RTN1: variants seen among roughly 807,000 people sequenced by gnomAD.
RTN1 encodes the protein reticulon 1.
Under a neutral mutation model 65.5 loss-of-function variants are expected in RTN1, and 25 were observed. The ratio of observed to expected loss-of-function variants is 0.38; its 90% confidence interval spans 0.28 to 0.53. The LOEUF is 0.53. Ranked by LOEUF, RTN1 falls within the 20% of genes least tolerant of loss-of-function variation. RTN1 has a pLI of 0.79. For missense variants in RTN1, 983 were observed against 1,025.4 expected (o/e 0.96, Z 0.57); for synonymous variants, 471 against 447.6 (o/e 1.05, Z -0.66).
intron 1 of RTN1, among the ~76,000 whole-genome samples, chr14:59,797,618 C>T (rs1886464058): frequency 6.6e-6 from 1 of 152,166 alleles, no homozygotes; most frequent in Non-Finnish European, 1.5e-5. Flanking sequence ...ACCAAAACAT[C>T]TGAATGCCAC....
At chr14:59,804,972 G>T (rs1886611205) in intron 1 of RTN1, among the ~76,000 whole-genome samples, 1 of 152,222 alleles carries the variant, frequency 6.6e-6, no homozygotes, top group African/African-American at 2.4e-5. Flanking sequence ...GCAGGTCACA[G>T]ATCTTAAGTA....
chr14:59,648,752 ACT>A, intron 3 of RTN1, among the ~76,000 whole-genome samples: 1 of 152,320 alleles, frequency 6.6e-6, no homozygotes, highest in Non-Finnish European at 1.5e-5. Flanking sequence ...TATGTTAAAA[ACT>A]CTCAATAAAC....
chr14:59,761,771 G>A (rs1885753267), intron 1 of RTN1, among the ~76,000 whole-genome samples: 1 of 152,142 alleles, frequency 6.6e-6, no homozygotes, highest in South Asian at 2.1e-4. Flanking sequence ...CCATGTCTTG[G>A]TAAAAAAGAA....
chr14:59,652,801 A>G (rs527803226), intron 3 of RTN1, among the ~76,000 whole-genome samples: 17 of 152,224 alleles, frequency 1.1e-4, no homozygotes, highest in African/African-American at 3.6e-4. Flanking sequence ...TACCCCCTGA[A>G]TCTAAAATAA....
chr14:59,789,014 G>A (rs1886300846), intron 1 of RTN1, among the ~76,000 whole-genome samples: 1 of 151,994 alleles, frequency 6.6e-6, no homozygotes, highest in Non-Finnish European at 1.5e-5. Flanking sequence ...TTTTTCAAAA[G>A]CCTTTTGTAT....
In RTN1 at chr14:59,629,114, T is replaced by C. The variant is rs1409534656; in HGVS notation, c.1766-21622A>G. ...CATATGTTCTTCCACGTAATTGTCATCATTCTTCAAAACATTGTGCCTCAA... is the reference window on the plus strand; with the variant it reads ...CATATGTTCTTCCACGTAATTGTCACCATTCTTCAAAACATTGTGCCTCAA... On this transcript the variant is annotated intron_variant, in intron 3 of 8. Coordinates refer to ENST00000267484, the MANE Select transcript of RTN1 (RefSeq NM_021136.3). Among the ~76,000 whole-genome samples the C allele has an allele frequency of 2.6e-5, 4 of 152,252 alleles. No individual in the cohort carries two copies. In the East Asian group the frequency reaches 7.7e-4, roughly 29 times the overall value.
chr14:59,813,373 G>T (rs969423807), intron 1 of RTN1, among the ~76,000 whole-genome samples: 2 of 152,020 alleles, frequency 1.3e-5, no homozygotes, highest in Non-Finnish European at 2.9e-5. Context: ...ATTAGTTTGT[G>T]GGGAAAGTCA....
At chr14:59,810,942 G>A (rs932967502) in intron 1 of RTN1, among the ~76,000 whole-genome samples, 2 of 152,180 alleles carry the variant, frequency 1.3e-5, no homozygotes, top group Admixed American at 6.6e-5. Flanking sequence ...GATTGTAGCT[G>A]CAGCCCAGTT....
chr14:59,777,246 T>C (rs534203663), intron 1 of RTN1, among the ~76,000 whole-genome samples: 1 of 152,286 alleles, frequency 6.6e-6, no homozygotes, highest in African/African-American at 2.4e-5. Flanking sequence ...CATCTTCTCT[T>C]GGTTTAGAAA....
intron 1 of RTN1, among the ~76,000 whole-genome samples, chr14:59,749,767 ATATG>A (rs1293682999): frequency 9.9e-6 from 1 of 101,238 alleles, no homozygotes. Context: ...TTATATATCT[ATATG>A]TATATTTATA....
At chr14:59,601,848 G>A (rs1019125920) in intron 8 of RTN1, among the ~76,000 whole-genome samples, 17 of 152,046 alleles carry the variant, frequency 1.1e-4, no homozygotes, top group African/African-American at 2.9e-4. Context: ...CCTCAGGTTC[G>A]GGTACCACCA....
intron 1 of RTN1, among the ~76,000 whole-genome samples, chr14:59,756,527 C>T (rs1203743966): frequency 6.6e-6 from 1 of 152,052 alleles, no homozygotes; most frequent in South Asian, 2.1e-4. Context: ...TATTCTACTC[C>T]CAATGTTTCC....
At chr14:59,724,598 C>T (rs1334081009) in intron 3 of RTN1, among the ~76,000 whole-genome samples, 15 of 152,158 alleles carry the variant, frequency 9.9e-5, no homozygotes, top group Non-Finnish European at 2.1e-4. Context: ...GGCGTGGTGG[C>T]TCACGCCTGT....
At chr14:59,850,010 G>A (rs983927451) in intron 1 of RTN1, among the ~76,000 whole-genome samples, 3 of 151,710 alleles carry the variant, frequency 2.0e-5, no homozygotes, top group Admixed American at 6.6e-5. Flanking sequence ...TCCTTTCACC[G>A]CCACCTCTTC....
chr14:59,858,892 C>CA (rs1319390042), intron 1 of RTN1, among the ~76,000 whole-genome samples: 11 of 151,982 alleles, frequency 7.2e-5, no homozygotes, highest in African/African-American at 2.7e-4. Context: ...GATAATTCAG[C>CA]AAAAAGAATA....
At chr14:59,807,008 G>A (rs942109937) in intron 1 of RTN1, among the ~76,000 whole-genome samples, 7 of 152,216 alleles carry the variant, frequency 4.6e-5, no homozygotes, top group South Asian at 2.1e-4. Flanking sequence ...TCCATATTCC[G>A]AAGGAAATGG....
intron 3 of RTN1, among the ~76,000 whole-genome samples, chr14:59,686,613 G>A (rs1022753312): frequency 3.3e-5 from 5 of 152,168 alleles, no homozygotes; most frequent in Admixed American, 2.0e-4. Flanking sequence ...GGAGGAAAAC[G>A]TGGGCAAACA....
At chr14:59,851,409 A>G (rs1048721462) in intron 1 of RTN1, among the ~76,000 whole-genome samples, 1 of 152,240 alleles carries the variant, frequency 6.6e-6, no homozygotes, top group Admixed American at 6.5e-5. Context: ...AGCACAGAGC[A>G]GATTACTATA....
chr14:59,685,954 T>C (rs1035482057), intron 3 of RTN1, among the ~76,000 whole-genome samples: 4 of 152,202 alleles, frequency 2.6e-5, no homozygotes, highest in Non-Finnish European at 5.9e-5. Context: ...AACTGCATGG[T>C]ACTGGCATAA....
Sources: allele counts gnomAD v4.1 joint callset (sites outside exome capture counted in the v4.1 genomes callset), GRCh38; gene constraint gnomAD v4.1.1; transcripts MANE v1.5; gene names NCBI Gene and HGNC (gene_info 2026-07-23, HGNC 2026-07-21).